The following ARID1B variants were observed in gnomAD, a reference collection of about 807,000 sequenced individuals.
ARID1B encodes the protein AT-rich interactive domain-containing protein 1B.
Under a neutral mutation model 212.3 loss-of-function variants are expected in ARID1B, and 30 were observed. The observed-to-expected ratio is 0.14, with a 90% confidence interval of 0.11 to 0.19. The LOEUF is 0.19. Among genes scored for constraint, ARID1B ranks in the 10% least tolerant of loss-of-function variants. The probability of loss-of-function intolerance (pLI) is 1.00; values close to 1 mark genes in which losing one functional copy is unlikely to be tolerated. For synonymous variants in ARID1B, 1,402 were observed against 1,301.7 expected, an observed-to-expected ratio of 1.08 and a Z score of -1.66; for missense variants, 2,891 against 3,204.0, an observed-to-expected ratio of 0.90 and a Z score of 2.36.
chr6:157,042,115 C>T (rs1374494800), intron 4 of ARID1B, among the ~76,000 whole-genome samples: 3 of 152,174 alleles, frequency 2.0e-5, no homozygotes, highest in African/African-American at 7.2e-5. Flanking sequence ...GCCGCTAATA[C>T]CCCACGTTAC....
intron 6 of ARID1B, among the ~76,000 whole-genome samples, chr6:157,127,745 C>T (rs1479798255): frequency 7.2e-6 from 1 of 138,470 alleles, no homozygotes; most frequent in African/African-American, 2.8e-5. Context: ...CACTGTGCCA[C>T]TACACTCCAG....
intron 7 of ARID1B, among the ~76,000 whole-genome samples, chr6:157,138,474 A>G (rs1026262987): frequency 2.6e-5 from 4 of 152,134 alleles, no homozygotes; most frequent in African/African-American, 7.2e-5. Flanking sequence ...CTGGGCTCAC[A>G]TGATCCACCC....
Position 156,778,868 on chromosome 6 carries a change from C to A in ARID1B, c.1188C>A (p.Gly396=), listed in dbSNP as rs1305647870. The A allele has an allele frequency of 2.1e-6, 3 of 1,398,836 alleles. No individual in the cohort carries two copies. Among genetic ancestry groups the A allele is most frequent in the Non-Finnish European group, 2.8e-6 (3 of 1,072,730 alleles). 86.7% of individuals were successfully genotyped at this position (1,398,836 alleles called of 1,614,324 possible). A position where few individuals can be genotyped will look rare whatever the true frequency, so the allele number is the denominator to read the frequency against. ...RPGAGGGGGG[G]GGGGGGSGGG... ...GCGCGGGCGGCGGCGGCGGCGGCGG[C>A]GGCGGAGGAGGAGGAGGCAGCGGAG... Residue 396 remains glycine (G), a synonymous_variant, in exon 1 of 20, where the codon GGC becomes GGA. Transcript: ENST00000636930.
In ARID1B at chr6:156,829,339, C is replaced by T. The variant is rs2128046566; in HGVS notation, c.1904C>T (p.Pro635Leu). 1 of 1,614,214 alleles carries T rather than the reference C, an allele frequency of 6.2e-7. No homozygotes were observed. Among genetic ancestry groups the T allele is most frequent in the Non-Finnish European group, 8.5e-7 (1 of 1,180,040 alleles). The change falls in exon 2 of 20, where the codon CCT becomes CTT. Residue 635 changes from proline to leucine, a missense_variant. Pro to Leu is a moderately conservative substitution (Grantham distance 98, BLOSUM62 -3). Around this residue, in one of 7 missense-constraint regions of ARID1B, gnomAD observed 1,643 missense variants for 1,544.0 expected, o/e 1.06. Transcript: ENST00000636930. ...CCGTACCCAGGAGGTTCCTATGGCC[C>T]TCCAGGCCCACAGCGGTATCCAATT... is the stretch of plus-strand genomic sequence containing the variant. ...SSPYPGGSYGPPGPQRYPIGI... is the reference protein window; with the variant it reads ...SSPYPGGSYGLPGPQRYPIGI...
At chr6:156,913,711 GC>G (rs2128229596) in intron 3 of ARID1B, among the ~76,000 whole-genome samples, 1 of 132,618 alleles carries the variant, frequency 7.5e-6, no homozygotes, top group Admixed American at 7.7e-5. Flanking sequence ...CAGCCCGTGA[GC>G]CACCATCCTA....
At chr6:156,859,410 A>C (rs554387994) in intron 2 of ARID1B, among the ~76,000 whole-genome samples, 92 of 152,274 alleles carry the variant, frequency 6.0e-4, no homozygotes, top group African/African-American at 2.2e-3. Context: ...TGCCATTAGG[A>C]TGGCTGCCCA....
intron 4 of ARID1B, among the ~76,000 whole-genome samples, chr6:157,080,082 A>T (rs912723072): frequency 1.3e-5 from 2 of 152,188 alleles, no homozygotes; most frequent in Non-Finnish European, 2.9e-5. Flanking sequence ...TGATTGAAAT[A>T]TCTTCTCTAT....
At chr6:156,984,555 G>A (rs1426187903) in intron 4 of ARID1B, among the ~76,000 whole-genome samples, 1 of 152,182 alleles carries the variant, frequency 6.6e-6, no homozygotes, top group Non-Finnish European at 1.5e-5. Flanking sequence ...GTAAAGTGAG[G>A]AACACAGGAA....
intron 4 of ARID1B, among the ~76,000 whole-genome samples, chr6:157,015,317 G>A (rs1182907459): frequency 6.6e-6 from 1 of 152,182 alleles, no homozygotes; most frequent in East Asian, 1.9e-4. Context: ...GTTAGTTAGG[G>A]ATCAGCAGAA....
At chr6:156,934,753 A>G (rs1222710570) in intron 3 of ARID1B, among the ~76,000 whole-genome samples, 1 of 151,546 alleles carries the variant, frequency 6.6e-6, no homozygotes, top group African/African-American at 2.4e-5. Flanking sequence ...GAATTCAACA[A>G]TCCAGGGAGC....
At chr6:156,857,724 A>G (rs567238775) in intron 2 of ARID1B, among the ~76,000 whole-genome samples, 35 of 152,382 alleles carry the variant, frequency 2.3e-4, no homozygotes, top group African/African-American at 7.7e-4. Context: ...GCTTAACAAC[A>G]GAGATATGTT....
intron 8 of ARID1B, among the ~76,000 whole-genome samples, chr6:157,158,661 T>C (rs1008163066): frequency 6.6e-6 from 1 of 152,206 alleles, no homozygotes; most frequent in Non-Finnish European, 1.5e-5. Context: ...CCCTCCACTC[T>C]GCTTCTGTGG....
chr6:156,795,814 C>G (rs991586597), intron 1 of ARID1B, among the ~76,000 whole-genome samples: 3 of 152,120 alleles, frequency 2.0e-5, no homozygotes, highest in Admixed American at 6.5e-5. Flanking sequence ...TGGGAAGTTT[C>G]TCTTTATGTC....
At chr6:157,023,631 CTATTT>C (rs1780467606) in intron 4 of ARID1B, 1 of 152,168 alleles carries the variant, frequency 6.6e-6, no homozygotes, top group African/African-American at 2.4e-5. Context: ...TTTGCAGTCA[CTATTT>C]TATGTTATTT....
intron 5 of ARID1B, among the ~76,000 whole-genome samples, chr6:157,097,133 T>C (rs1785695581): frequency 6.6e-6 from 1 of 152,224 alleles, no homozygotes. Flanking sequence ...TTAAGTTTTA[T>C]CATGAAAACA....
At chr6:156,807,176 CA>C (rs1255228311) in intron 1 of ARID1B, among the ~76,000 whole-genome samples, 1 of 145,104 alleles carries the variant, frequency 6.9e-6, no homozygotes, top group African/African-American at 2.6e-5. Flanking sequence ...TCTTTGTTTG[CA>C]CAACTCTTTA....
At chr6:157,023,899 T>C (rs887690580) in intron 4 of ARID1B, 1 of 152,252 alleles carries the variant, frequency 6.6e-6, no homozygotes, top group Non-Finnish European at 1.5e-5. Flanking sequence ...CAAGCAAGTG[T>C]ATGGCTTGAC....
rs1294167005 is a variant in ARID1B, at chr6:157,206,910, C to T, written c.6138C>T (p.Pro2046=). ...ACATCAAGCTGCTGGAGGACGAGCC[C>T]AGGAGCCGAGACGAGACTCCTCTGT... ...HRNIKLLEDE[P]RSRDETPLCT... is the part of the protein sequence containing the mutation. Residue 2046 remains proline (P), a synonymous_variant, in exon 20 of 20, where the codon CCC becomes CCT. Coordinates refer to ENST00000636930, the MANE Select transcript of ARID1B (RefSeq NM_001374828.1). The surrounding 1 kb of genome is among the most constrained non-coding windows in gnomAD (Gnocchi z 6.8). The T allele has an allele frequency of 2.5e-6, 4 of 1,614,160 alleles. No homozygotes were observed. Among genetic ancestry groups the T allele is most frequent in the Non-Finnish European group, 3.4e-6 (4 of 1,180,034 alleles).
chr6:157,140,047 G>A (rs535855740), intron 7 of ARID1B, among the ~76,000 whole-genome samples: 1 of 152,092 alleles, frequency 6.6e-6, no homozygotes, highest in African/African-American at 2.4e-5. Flanking sequence ...TTTAATGTCA[G>A]TGCTTACCTT....
Sources: gnomAD v4.1 joint callset for allele counts (sites outside exome capture counted in the v4.1 genomes callset) on GRCh38, gnomAD v4.1.1 for gene constraint, gnomAD v4.1.1 regional missense constraint, Gnocchi (gnomAD v3.1) non-coding constraint, MANE v1.5 for transcripts, NCBI Gene and HGNC (gene_info 2026-07-23, HGNC 2026-07-21) for gene names.